The following KHDRBS2 variants were observed in gnomAD, a reference collection of about 807,000 sequenced individuals.
The protein encoded by KHDRBS2 is KH domain-containing, RNA-binding, signal transduction-associated protein 2.
A neutral mutation model predicts 44.3 loss-of-function variants in KHDRBS2; 26 were observed. The ratio of observed to expected loss-of-function variants is 0.59; its 90% confidence interval spans 0.43 to 0.81. KHDRBS2 has a LOEUF of 0.81. Ranked by LOEUF, KHDRBS2 falls within the 40% of genes least tolerant of loss-of-function variation. The probability of loss-of-function intolerance (pLI) is 0.00; values close to 1 mark genes in which losing one functional copy is unlikely to be tolerated. For synonymous variants in KHDRBS2, 194 were observed against 151.1 expected, an observed-to-expected ratio of 1.28 and a Z score of -2.08; for missense variants, 476 against 433.1, an observed-to-expected ratio of 1.10 and a Z score of -0.88.
chr6:61,595,792 T>C, the KHDRBS2 span, among the ~76,000 whole-genome samples: 12 of 151,780 alleles, frequency 7.9e-5, no homozygotes, highest in Non-Finnish European at 1.5e-4. Context: ...TAAACAAACA[T>C]ATTAATAACT....
intron 6 of KHDRBS2, among the ~76,000 whole-genome samples, chr6:61,744,518 G>A (rs924754281): frequency 6.6e-6 from 1 of 152,118 alleles, no homozygotes; most frequent in East Asian, 1.9e-4. Context: ...GCACAAGGAT[G>A]CTCAGGATCC....
At chr6:61,656,933 G>C in the KHDRBS2 span, among the ~76,000 whole-genome samples, 12 of 152,028 alleles carry the variant, frequency 7.9e-5, no homozygotes, top group African/African-American at 2.9e-4. Flanking sequence ...TGCTTATAAA[G>C]AATTATGTAA....
chr6:61,636,132 T>C, the KHDRBS2 span, among the ~76,000 whole-genome samples: 4 of 152,212 alleles, frequency 2.6e-5, no homozygotes, highest in South Asian at 2.1e-4. Flanking sequence ...CTTTTTTGTA[T>C]GGTCAAATCA....
At position 62,286,182 on chromosome 6, in the gene KHDRBS2, C is replaced by T; in HGVS notation, c.-234G>A. ...CGTCGTCCCTCGCTCGCGCAGAGCC[C>T]CGGCTCACACCAGCGGCCTTAACTG... On this transcript the variant is annotated 5_prime_UTR_variant, in exon 1 of 9. Transcript: ENST00000281156. 1.9e-6 allele frequency: 1 copy of T among 533,290 alleles called. No homozygotes were observed. Among genetic ancestry groups the T allele is most frequent in the Non-Finnish European group, 3.3e-6 (1 of 305,348 alleles). 33.0% of individuals were successfully genotyped at this position (533,290 alleles called of 1,614,324 possible).
At chr6:61,964,959 T>A (rs1159376766) in intron 4 of KHDRBS2, among the ~76,000 whole-genome samples, 1 of 152,142 alleles carries the variant, frequency 6.6e-6, no homozygotes, top group Non-Finnish European at 1.5e-5. Context: ...TATTTTAATG[T>A]TTCACTTTAT....
the KHDRBS2 span, among the ~76,000 whole-genome samples, chr6:61,543,522 T>C: frequency 6.6e-6 from 1 of 151,996 alleles, no homozygotes; most frequent in East Asian, 1.9e-4. Context: ...ACAACCACTA[T>C]GGAGTACAGT....
Position 61,897,550 on chromosome 6 carries a change from T to G in KHDRBS2, c.612-2717A>C, listed in dbSNP as rs1803136443. Among the ~76,000 whole-genome samples, 3 of 152,204 alleles carry G rather than the reference T, an allele frequency of 2.0e-5. No homozygotes were observed. The South Asian group carries it at 6.2e-4, about 31-fold the overall frequency. The stretch of plus-strand genomic sequence containing the variant: ...AAAATTTATCTTTCTCTTGGGGAAC[T>G]CTTCTTCTCCAACGTTTAATTGGCA... On this transcript the variant is annotated intron_variant, in intron 5 of 8. Transcript: ENST00000281156.
the KHDRBS2 span, among the ~76,000 whole-genome samples, chr6:61,670,621 A>G: frequency 6.6e-6 from 1 of 151,538 alleles, no homozygotes; most frequent in African/African-American, 2.4e-5. Context: ...CACAGACTTT[A>G]TTTAATGGTC....
intron 2 of KHDRBS2, among the ~76,000 whole-genome samples, chr6:62,169,738 C>T (rs765473056): frequency 5.3e-5 from 8 of 152,058 alleles, no homozygotes; most frequent in Non-Finnish European, 1.2e-4. Flanking sequence ...CCACACACTT[C>T]TAAACTGAGG....
intron 4 of KHDRBS2, among the ~76,000 whole-genome samples, chr6:61,913,037 A>G (rs1417334330): frequency 6.6e-6 from 1 of 152,090 alleles, no homozygotes; most frequent in Non-Finnish European, 1.5e-5. Flanking sequence ...CAGACATGGG[A>G]GAAGACCATG....
At position 61,767,311 on chromosome 6, in the gene KHDRBS2, C is replaced by G. The variant is rs185373446; in HGVS notation, c.811-34547G>C. Among the ~76,000 whole-genome samples the G allele has an allele frequency of 1.6e-3, 247 of 151,930 alleles. 3 individuals are homozygous for G. Among genetic ancestry groups the G allele is most frequent in the Non-Finnish European group, 4.1e-4 (28 of 67,896 alleles). Reference sequence around the variant, plus strand: ...TTTTGGATTCCATTTGCATAGAATACTTTTTTCTATCCCTTTATTTTCAGT... The same window carrying G: ...TTTTGGATTCCATTTGCATAGAATAGTTTTTTCTATCCCTTTATTTTCAGT... On this transcript the variant is annotated intron_variant, in intron 6 of 8. Coordinates refer to ENST00000281156, the MANE Select transcript of KHDRBS2 (RefSeq NM_152688.4).
chr6:62,192,873 G>A (rs1254299505), intron 1 of KHDRBS2, among the ~76,000 whole-genome samples: 1 of 152,096 alleles, frequency 6.6e-6, no homozygotes, highest in Non-Finnish European at 1.5e-5. Flanking sequence ...CATTGCAAGT[G>A]TCACAATGAA....
At chr6:62,037,781 C>G (rs561673623) in intron 3 of KHDRBS2, among the ~76,000 whole-genome samples, 1 of 152,014 alleles carries the variant, frequency 6.6e-6, no homozygotes, top group East Asian at 1.9e-4. Context: ...AAGGCATATG[C>G]AAGAATACTG....
chr6:62,077,800 T>A (rs1187700944), intron 2 of KHDRBS2, among the ~76,000 whole-genome samples: 1 of 151,964 alleles, frequency 6.6e-6, no homozygotes, highest in African/African-American at 2.4e-5. Context: ...TTAATTAAAC[T>A]GAAGGAAAGA....
chr6:61,777,826 T>A (rs1023469628), intron 6 of KHDRBS2, among the ~76,000 whole-genome samples: 2 of 152,056 alleles, frequency 1.3e-5, no homozygotes, highest in African/African-American at 2.4e-5. Context: ...TAAGATTTTA[T>A]TTATTTATTT....
chr6:61,561,877 C>T, the KHDRBS2 span, among the ~76,000 whole-genome samples: 1 of 152,168 alleles, frequency 6.6e-6, no homozygotes, highest in Non-Finnish European at 1.5e-5. Context: ...TCCCTCCCCA[C>T]TCCCAACAGC....
At chr6:62,216,693 CCTCT>C (rs1830032084) in intron 1 of KHDRBS2, among the ~76,000 whole-genome samples, 1 of 80,328 alleles carries the variant, frequency 1.2e-5, no homozygotes, top group Admixed American at 1.1e-4. Context: ...ATTTCTTTCT[CCTCT>C]TTTTTTTTTT....
chr6:61,983,257 T>TA (rs1774355313), intron 3 of KHDRBS2, among the ~76,000 whole-genome samples: 3 of 134,732 alleles, frequency 2.2e-5, no homozygotes, highest in African/African-American at 5.6e-5. Flanking sequence ...TTTTTTTTTT[T>TA]ATAGTGACTA....
intron 3 of KHDRBS2, among the ~76,000 whole-genome samples, chr6:62,017,413 T>C (rs1235238205): frequency 6.6e-6 from 1 of 152,142 alleles, no homozygotes; most frequent in Non-Finnish European, 1.5e-5. Flanking sequence ...TCTGAAATAA[T>C]TATCTTTTTA....
Sources: allele counts gnomAD v4.1 joint callset (sites outside exome capture counted in the v4.1 genomes callset), GRCh38; gene constraint gnomAD v4.1.1; transcripts MANE v1.5; gene names NCBI Gene and HGNC (gene_info 2026-07-23, HGNC 2026-07-21).